GABRB1: variants seen among roughly 807,000 people sequenced by gnomAD.
GABRB1 encodes the protein gamma-aminobutyric acid type A receptor subunit beta1, also known as gamma-aminobutyric acid receptor subunit beta-1.
In GABRB1, 17 loss-of-function variants were observed where a neutral mutation model predicts 51.6. The ratio of observed to expected loss-of-function variants is 0.33; its 90% CI spans 0.23 to 0.49. GABRB1 has a LOEUF of 0.49. GABRB1 is among the 20% of genes least tolerant of loss of function. The pLI is 0.99. For synonymous variants in GABRB1, 247 were observed against 218.9 expected, an observed-to-expected ratio of 1.13 and a Z score of -1.14; for missense variants, 410 against 600.6, an observed-to-expected ratio of 0.68 and a Z score of 3.32.
intron 7 of GABRB1, among the ~76,000 whole-genome samples, chr4:47,405,469 T>C (rs1042765620): frequency 1.3e-5 from 2 of 152,212 alleles, no homozygotes; most frequent in African/African-American, 4.8e-5. Flanking sequence ...TATCAAATTT[T>C]AGATTTTACC....
chr4:47,002,578 T>G (rs922161846), intron 1 of GABRB1, among the ~76,000 whole-genome samples: 8 of 150,794 alleles, frequency 5.3e-5, no homozygotes, highest in African/African-American at 1.5e-4. Context: ...AATGTATGTG[T>G]TTTTTTTTCT....
chr4:47,329,911 T>C (rs1405470193), intron 5 of GABRB1, among the ~76,000 whole-genome samples: 1 of 151,912 alleles, frequency 6.6e-6, no homozygotes, highest in Non-Finnish European at 1.5e-5. Flanking sequence ...CTCACGCAAT[T>C]ATGGAGGCTG....
At chr4:47,411,029 T>A (rs1728745355) in intron 8 of GABRB1, among the ~76,000 whole-genome samples, 1 of 152,174 alleles carries the variant, frequency 6.6e-6, no homozygotes, top group African/African-American at 2.4e-5. Flanking sequence ...ATTTAGAGTC[T>A]CTATGGTGCA....
At chr4:47,398,023 A>G (rs1728238435) in intron 5 of GABRB1, among the ~76,000 whole-genome samples, 2 of 152,200 alleles carry the variant, frequency 1.3e-5, no homozygotes, top group Non-Finnish European at 2.9e-5. Flanking sequence ...CCTTTCAAAA[A>G]TATGCTATGC....
At chr4:47,353,184 G>T (rs1318627561) in intron 5 of GABRB1, among the ~76,000 whole-genome samples, 1 of 152,146 alleles carries the variant, frequency 6.6e-6, no homozygotes, top group East Asian at 1.9e-4. Context: ...TCTCCCACTG[G>T]ATCCCTCCCA....
chr4:47,199,612 G>A (rs552388067), intron 4 of GABRB1, among the ~76,000 whole-genome samples: 14 of 152,248 alleles, frequency 9.2e-5, no homozygotes, highest in South Asian at 6.2e-4. Context: ...GACTCTGAGC[G>A]GGGAGCCTTG....
intron 5 of GABRB1, among the ~76,000 whole-genome samples, chr4:47,376,844 T>C (rs559257566): frequency 6.6e-6 from 1 of 152,352 alleles, no homozygotes; most frequent in Non-Finnish European, 1.5e-5. Flanking sequence ...TCAACCAATA[T>C]TTATTAATAG....
intron 4 of GABRB1, among the ~76,000 whole-genome samples, chr4:47,248,098 G>C (rs893371339): frequency 3.3e-5 from 5 of 152,058 alleles, no homozygotes; most frequent in Non-Finnish European, 5.9e-5. Flanking sequence ...CCAGTTCTTA[G>C]AGGGAATACT....
chr4:47,355,772 C>A (rs574148969), intron 5 of GABRB1, among the ~76,000 whole-genome samples: 1 of 152,164 alleles, frequency 6.6e-6, no homozygotes, highest in Admixed American at 6.5e-5. Context: ...TTCTGCTATA[C>A]ACTTAAATTG....
intron 3 of GABRB1, among the ~76,000 whole-genome samples, chr4:47,158,744 T>C (rs774221370): frequency 6.6e-5 from 10 of 152,106 alleles, no homozygotes; most frequent in Non-Finnish European, 4.4e-5. Context: ...TTTATTTTCA[T>C]GGCCAACTGA....
chr4:47,087,321 G>A (rs1375523458), intron 3 of GABRB1, among the ~76,000 whole-genome samples: 1 of 151,934 alleles, frequency 6.6e-6, no homozygotes, highest in African/African-American at 2.4e-5. Context: ...TATATTTGGT[G>A]CCATTATGAT....
intron 4 of GABRB1, among the ~76,000 whole-genome samples, chr4:47,316,476 C>T (rs1374642846): frequency 2.0e-5 from 3 of 151,950 alleles, no homozygotes; most frequent in Non-Finnish European, 4.4e-5. Context: ...CTCCATTCAT[C>T]TGTTAATAGG....
At chr4:47,193,212 T>C (rs1173540914) in intron 4 of GABRB1, among the ~76,000 whole-genome samples, 1 of 152,164 alleles carries the variant, frequency 6.6e-6, no homozygotes, top group Non-Finnish European at 1.5e-5. Flanking sequence ...AACCTCTGCC[T>C]CCCGGGTTCA....
intron 5 of GABRB1, among the ~76,000 whole-genome samples, chr4:47,330,132 G>A (rs1725423854): frequency 6.6e-6 from 1 of 152,164 alleles, no homozygotes; most frequent in South Asian, 2.1e-4. Flanking sequence ...TCAGACAGGA[G>A]GAATTGTCTC....
intron 4 of GABRB1, among the ~76,000 whole-genome samples, chr4:47,164,095 C>T (rs545403370): frequency 6.6e-6 from 1 of 152,130 alleles, no homozygotes; most frequent in East Asian, 1.9e-4. Context: ...AGAATTCACT[C>T]ACTATCACAA....
At chr4:47,011,313 G>C (rs1724576409) in intron 1 of GABRB1, among the ~76,000 whole-genome samples, 1 of 152,100 alleles carries the variant, frequency 6.6e-6, no homozygotes, top group Non-Finnish European at 1.5e-5. Flanking sequence ...TCCCACTCAG[G>C]ACTGAGGGAG....
chr4:47,299,454 G>A (rs1724153913), intron 4 of GABRB1, among the ~76,000 whole-genome samples: 1 of 152,066 alleles, frequency 6.6e-6, no homozygotes, highest in Non-Finnish European at 1.5e-5. Context: ...CTTCTCAAAA[G>A]AAGACATTTA....
intron 3 of GABRB1, among the ~76,000 whole-genome samples, chr4:47,088,180 A>G (rs1037560348): frequency 6.6e-5 from 10 of 152,224 alleles, no homozygotes; most frequent in Non-Finnish European, 1.3e-4. Flanking sequence ...AGGCATTAGA[A>G]TTCATTTGAC....
intron 4 of GABRB1, among the ~76,000 whole-genome samples, chr4:47,175,020 T>TCTTC (rs1293186053): frequency 1.5e-5 from 2 of 129,196 alleles, no homozygotes; most frequent in Admixed American, 1.5e-4. Flanking sequence ...CTTCCTTCTT[T>TCTTC]CTTCCTTCCT....
Sources: allele counts gnomAD v4.1 joint callset (sites outside exome capture counted in the v4.1 genomes callset), GRCh38; gene constraint gnomAD v4.1.1; transcripts MANE v1.5; gene names NCBI Gene and HGNC (gene_info 2026-07-23, HGNC 2026-07-21).